LIPJ: variants seen among roughly 807,000 people sequenced by gnomAD.
LIPJ encodes lipase member J.
A neutral mutation model predicts 39.8 loss-of-function variants in LIPJ; 33 were observed. The ratio of observed to expected loss-of-function variants is 0.83; its 90% CI spans 0.63 to 1.11. The LOEUF (loss-of-function observed/expected upper bound fraction) is 1.11. Ranked by LOEUF, LIPJ falls within the 50% of genes least tolerant of loss-of-function variation. The pLI is 0.00. For missense variants in LIPJ, 422 were observed against 427.9 expected (o/e 0.99, Z 0.12); for synonymous variants, 128 against 139.2 (o/e 0.92, Z 0.57).
At chr10:88,608,254 C>T (rs756735417), downstream of LIPJ, among the ~76,000 whole-genome samples, 3 of 152,178 alleles carry the variant, frequency 2.0e-5, no homozygotes, top group Non-Finnish European at 4.4e-5. Flanking sequence ...GACCTAACAA[C>T]GGGACTATAG....
upstream of LIPJ, chr10:88,583,524 C>A: frequency 8.6e-7 from 1 of 1,165,764 alleles, no homozygotes. Context: ...CGCAACAGAG[C>A]TGACGTTGAC....
chr10:88,616,864 A>C, the LIPJ span, among the ~76,000 whole-genome samples: 1 of 152,122 alleles, frequency 6.6e-6, no homozygotes, highest in Non-Finnish European at 1.5e-5. Context: ...CCCTTCTCTG[A>C]GGCCTTTTGG....
the LIPJ span, among the ~76,000 whole-genome samples, chr10:88,619,786 C>T: frequency 6.6e-6 from 1 of 151,844 alleles, no homozygotes; most frequent in African/African-American, 2.4e-5. Flanking sequence ...ATGTAAACCC[C>T]AAAGCATAAA....
At chr10:88,611,399 A>G (rs1851750358), downstream of LIPJ, among the ~76,000 whole-genome samples, 1 of 152,228 alleles carries the variant, frequency 6.6e-6, no homozygotes, top group South Asian at 2.1e-4. Flanking sequence ...CCAGCAATGG[A>G]TCCAAACCAA....
intron 4 of LIPJ, 156 bp downstream of exon 4, chr10:88,591,654 CAAG>C: frequency 2.0e-6 from 1 of 506,546 alleles, no homozygotes; most frequent in East Asian, 3.5e-5. Flanking sequence ...AAGAGTCACA[CAAG>C]AAGATACACC....
chr10:88,582,957 A>C, upstream of LIPJ: 1 of 1,207,868 alleles, frequency 8.3e-7, no homozygotes, highest in Non-Finnish European at 1.1e-6. Context: ...ACGGCCGCTC[A>C]GGGAGCTGAG....
chr10:88,621,671 A>T, the LIPJ span, among the ~76,000 whole-genome samples: 1 of 152,190 alleles, frequency 6.6e-6, no homozygotes, highest in Admixed American at 6.5e-5. Flanking sequence ...AATTTTATTC[A>T]TCAATAAGCC....
chr10:88,619,142 G>A, the LIPJ span, among the ~76,000 whole-genome samples: 10 of 148,916 alleles, frequency 6.7e-5, no homozygotes, highest in African/African-American at 1.7e-4. Flanking sequence ...CGGGCAACCC[G>A]CTTGGGTCCC....
intron 8 of LIPJ, among the ~76,000 whole-genome samples, chr10:88,599,916 T>C (rs1851414311): frequency 6.6e-6 from 1 of 151,898 alleles, no homozygotes; most frequent in South Asian, 2.1e-4. Context: ...ATTAGATTTA[T>C]GGCTATCATC....
downstream of LIPJ, among the ~76,000 whole-genome samples, chr10:88,610,156 G>A (rs1851732153): frequency 6.6e-6 from 1 of 152,150 alleles, no homozygotes; most frequent in South Asian, 2.1e-4. Context: ...AGGAGCTGTA[G>A]TCCAGCTTTG....
chr10:88,596,551 T>G, intron 7 of LIPJ, 135 bp downstream of exon 7: 1 of 981,938 alleles, frequency 1.0e-6, no homozygotes, highest in Non-Finnish European at 1.5e-6. Context: ...ACTACATTCT[T>G]GTTTTTGTTT....
upstream of LIPJ, chr10:88,583,056 G>T (rs1490738421): frequency 6.2e-7 from 1 of 1,606,810 alleles, no homozygotes; most frequent in Non-Finnish European, 8.5e-7. Flanking sequence ...CCAGGTTTTG[G>T]CGTTTAGACA....
At chr10:88,615,904 C>A in the LIPJ span, among the ~76,000 whole-genome samples, 2 of 152,058 alleles carry the variant, frequency 1.3e-5, no homozygotes, top group Non-Finnish European at 2.9e-5. Context: ...TGGAAATAAA[C>A]CAAATGTTAT....
chr10:88,622,196 A>G, the LIPJ span, among the ~76,000 whole-genome samples: 1 of 152,186 alleles, frequency 6.6e-6, no homozygotes, highest in African/African-American at 2.4e-5. Flanking sequence ...TTGGACTACA[A>G]AAACTGGACT....
chr10:88,608,609 T>C (rs529207699), downstream of LIPJ, among the ~76,000 whole-genome samples: 9 of 152,120 alleles, frequency 5.9e-5, no homozygotes, highest in Non-Finnish European at 1.0e-4. Flanking sequence ...ACAAAAACGA[T>C]CCATAATTTG....
At chr10:88,613,800 A>ATATATATATATATTTGTGTG in the LIPJ span, among the ~76,000 whole-genome samples, 1 of 74,156 alleles carries the variant, frequency 1.3e-5, no homozygotes. Flanking sequence ...ATATATATAT[A>ATATATATATATATTTGTGTG]TGTGTGTGTG....
the LIPJ span, among the ~76,000 whole-genome samples, chr10:88,619,453 C>CCACACACGCACACACACACACACA: frequency 6.8e-6 from 1 of 146,946 alleles, no homozygotes; most frequent in Non-Finnish European, 1.5e-5. Context: ...CCCCCTCTTG[C>CCACACACGCACACACACACACACA]CACACACACA....
At chr10:88,598,948 G>T (rs1245603376) in intron 8 of LIPJ, among the ~76,000 whole-genome samples, 8 of 112,332 alleles carry the variant, frequency 7.1e-5, no homozygotes, top group African/African-American at 2.7e-4. Context: ...ATTTTATATT[G>T]TATTTAATAA....
the LIPJ span, among the ~76,000 whole-genome samples, chr10:88,621,692 A>T: frequency 6.6e-6 from 1 of 152,192 alleles, no homozygotes; most frequent in African/African-American, 2.4e-5. Flanking sequence ...TGACCTAAAA[A>T]AAAAGTATTA....
Sources: allele counts gnomAD v4.1 joint callset (sites outside exome capture counted in the v4.1 genomes callset), GRCh38; gene constraint gnomAD v4.1.1; transcripts MANE v1.5; gene names NCBI Gene and HGNC (gene_info 2026-07-23, HGNC 2026-07-21).